SUMO2: variants seen among roughly 807,000 people sequenced by gnomAD.
The protein encoded by SUMO2 is small ubiquitin-related modifier 2.
A neutral mutation model predicts 16.0 loss-of-function variants in SUMO2; 1 was observed. The ratio of observed to expected loss-of-function variants is 0.06; its 90% confidence interval spans 0.02 to 0.30. The LOEUF is 0.30. SUMO2 is among the 10% of genes least tolerant of loss of function. The pLI, the probability that SUMO2 is intolerant of heterozygous loss-of-function variation, is 1.00. For missense variants in SUMO2, 16 were observed against 117.5 expected (o/e 0.14, Z 3.99); for synonymous variants, 36 against 40.6 (o/e 0.89, Z 0.43).
intron 3 of SUMO2, among the ~76,000 whole-genome samples, 183 bp downstream of exon 3, chr17:75,174,565 GAATA>G (rs1285728574): frequency 6.6e-6 from 1 of 152,128 alleles, no homozygotes; most frequent in Non-Finnish European, 1.5e-5. Flanking sequence ...AAAAATAAAT[GAATA>G]AAAACCATTG....
intron 2 of SUMO2, among the ~76,000 whole-genome samples, chr17:75,178,509 CAAAAAAAAAAAAAAA>C (rs545816366): frequency 1.3e-5 from 1 of 74,838 alleles, no homozygotes; most frequent in East Asian, 4.1e-4. Context: ...GCGAGACTCT[CAAAAAAAAAAAAAAA>C]AAAGAAAAGA....
At chr17:75,172,325 C>CTTT (rs71361663) in intron 3 of SUMO2, among the ~76,000 whole-genome samples, 1 of 109,410 alleles carries the variant, frequency 9.1e-6, no homozygotes. Context: ...TGTACCCAGA[C>CTTT]TTTTTTTTTT....
intron 2 of SUMO2, among the ~76,000 whole-genome samples, chr17:75,179,794 G>C (rs954180259): frequency 2.0e-5 from 3 of 151,908 alleles, no homozygotes; most frequent in African/African-American, 7.3e-5. Context: ...GAGTAGGTGG[G>C]ATTATGCGCG....
At chr17:75,180,919 C>G in intron 2 of SUMO2, 138 bp downstream of exon 2, 1 of 963,046 alleles carries the variant, frequency 1.0e-6, no homozygotes, top group Middle Eastern at 3.4e-4. Flanking sequence ...ACCAAGTGCA[C>G]GACAAAACTG....
At position 75,181,400 on chromosome 17, in the gene SUMO2, C is replaced by G. The variant is rs554068353; in HGVS notation, c.22-212G>C. Among the ~76,000 whole-genome samples, 398 of 152,182 alleles carry G rather than the reference C, an allele frequency of 2.6e-3. 2 individuals carry two copies. The highest frequency in any genetic ancestry group is 9.3e-3 in the African/African-American group (385 of 41,528). ...AGATAGCTGTCAGATACGGAAAAGC[C>G]TACATGCAATACTATCAGTAGCAAC... On this transcript the variant is annotated intron_variant, in intron 1 of 3. Transcript: ENST00000420826.
chr17:75,172,922 G>A (rs2074753129), intron 3 of SUMO2, among the ~76,000 whole-genome samples: 2 of 152,094 alleles, frequency 1.3e-5, no homozygotes, highest in South Asian at 2.1e-4. Flanking sequence ...CACCTGGCCC[G>A]TAATTCCTTT....
rs116706467 is a variant in SUMO2, at chr17:75,171,356, A to G, written c.226-2955T>C. On this transcript the variant is annotated intron_variant, in intron 3 of 3. Transcript: ENST00000420826. ...AAAAACAACATAAACAAATAAAATA[A>G]AAACAAAATTAGCCAGGCATCATGG... Among the ~76,000 whole-genome samples the G allele has an allele frequency of 3.4e-3, 524 of 152,010 alleles. 4 individuals carry two copies. The highest frequency in any genetic ancestry group is 0.012 in the African/African-American group (504 of 41,512).
chr17:75,181,456 T>C (rs2074828060), intron 1 of SUMO2, among the ~76,000 whole-genome samples: 1 of 152,210 alleles, frequency 6.6e-6, no homozygotes, highest in Non-Finnish European at 1.5e-5. Flanking sequence ...CTATTCAGTG[T>C]ATTGCAACGT....
At chr17:75,176,087 C>G (rs1227126023) in intron 2 of SUMO2, among the ~76,000 whole-genome samples, 1 of 151,792 alleles carries the variant, frequency 6.6e-6, no homozygotes, top group African/African-American at 2.4e-5. Context: ...GTCGCCCAGG[C>G]TGGAGTGAGT....
chr17:75,178,159 G>A (rs866722904), intron 2 of SUMO2, among the ~76,000 whole-genome samples: 1 of 149,956 alleles, frequency 6.7e-6, no homozygotes. Flanking sequence ...GCAAAAGCCT[G>A]TCTCAAAAAA....
At position 75,166,265 on chromosome 17, in the gene SUMO2, C is replaced by G. The variant is rs755314329; in HGVS notation, c.*2074G>C. The G allele has an allele frequency of 6.6e-6, 1 of 152,168 alleles. No individual in the cohort carries two copies. Among genetic ancestry groups the G allele is most frequent in the Non-Finnish European group, 1.5e-5 (1 of 68,108 alleles). The allele number at this position is 152,168 out of a possible 1,614,324, so 9.4% of individuals were successfully genotyped here. On this transcript the variant is annotated 3_prime_UTR_variant, in exon 4 of 4. Coordinates refer to ENST00000420826, the MANE Select transcript of SUMO2 (RefSeq NM_006937.4). ...CCAAGGCAGGCAGATCACCTGAGGT[C>G]GGGAGGTGGAGACCAGCCTGACCAA... is the stretch of plus-strand genomic sequence containing the variant.
intron 3 of SUMO2, among the ~76,000 whole-genome samples, chr17:75,168,705 C>T (rs946336211): frequency 4.6e-5 from 7 of 152,142 alleles, no homozygotes; most frequent in East Asian, 3.9e-4. Context: ...CAGGTTCAAG[C>T]AATTCTCCTG....
intron 3 of SUMO2, among the ~76,000 whole-genome samples, chr17:75,173,934 A>G (rs1394363662): frequency 6.6e-6 from 1 of 152,340 alleles, no homozygotes; most frequent in South Asian, 2.1e-4. Flanking sequence ...TTAAAGGATC[A>G]GAGAGCATCA....
chr17:75,178,527 A>G (rs892219827), intron 2 of SUMO2, among the ~76,000 whole-genome samples: 5 of 150,902 alleles, frequency 3.3e-5, no homozygotes, highest in African/African-American at 1.2e-4. Flanking sequence ...AAAAAAAAAA[A>G]GAAAAGAATA....
chr17:75,170,694 CAA>C (rs1245695657), intron 3 of SUMO2, among the ~76,000 whole-genome samples: 16 of 150,120 alleles, frequency 1.1e-4, no homozygotes, highest in South Asian at 2.1e-4. Context: ...ACTAAAAATA[CAA>C]AAAATTAGCT....
At chr17:75,180,911 C>G (rs1184946483) in intron 2 of SUMO2, 146 bp downstream of exon 2, 2 of 841,036 alleles carry the variant, frequency 2.4e-6, no homozygotes, top group East Asian at 2.7e-5. Context: ...ATCAATATAC[C>G]AAGTGCACGA....
chr17:75,177,611 G>A (rs562105606), intron 2 of SUMO2, among the ~76,000 whole-genome samples: 1 of 152,100 alleles, frequency 6.6e-6, no homozygotes, highest in East Asian at 1.9e-4. Flanking sequence ...GAACCTGGGA[G>A]GCGGAGGTTC....
intron 2 of SUMO2, among the ~76,000 whole-genome samples, chr17:75,176,516 T>A (rs2074783463): frequency 6.6e-6 from 1 of 151,960 alleles, no homozygotes; most frequent in Non-Finnish European, 1.5e-5. Flanking sequence ...TTCGGGAGGC[T>A]GAGGCAGGAG....
chr17:75,178,523 A>AG (rs928097009), intron 2 of SUMO2, among the ~76,000 whole-genome samples: 3 of 151,490 alleles, frequency 2.0e-5, no homozygotes, highest in African/African-American at 4.9e-5. Context: ...AAAAAAAAAA[A>AG]AAAAGAAAAG....
Sources: allele counts gnomAD v4.1 joint callset (sites outside exome capture counted in the v4.1 genomes callset), GRCh38; gene constraint gnomAD v4.1.1; transcripts MANE v1.5; gene names NCBI Gene and HGNC (gene_info 2026-07-23, HGNC 2026-07-21).